The following MACROD2 variants were observed in gnomAD, a reference collection of about 807,000 sequenced individuals.
The protein encoded by MACROD2 is mono-ADP ribosylhydrolase 2, also known as ADP-ribose glycohydrolase MACROD2.
In MACROD2, 36 loss-of-function variants were observed where a neutral mutation model predicts 70.4. The observed-to-expected ratio is 0.51, with a 90% CI of 0.39 to 0.68. The LOEUF (loss-of-function observed/expected upper bound fraction) is 0.68, where lower values mean the gene tolerates loss of function less well. MACROD2 is among the 30% of genes least tolerant of loss of function. The probability of loss-of-function intolerance (pLI) is 0.00; values close to 1 mark genes in which losing one functional copy is unlikely to be tolerated. For missense variants in MACROD2, 496 were observed against 538.4 expected (o/e 0.92, Z 0.78); for synonymous variants, 172 against 178.8 (o/e 0.96, Z 0.30).
chr20:15,311,457 A>G (rs1568713059), intron 6 of MACROD2, among the ~76,000 whole-genome samples: 1 of 152,110 alleles, frequency 6.6e-6, no homozygotes, highest in African/African-American at 2.4e-5. Context: ...GAAAACAACT[A>G]GTTCTGCCAA....
At chr20:14,793,969 A>G (rs1345179347) in intron 5 of MACROD2, among the ~76,000 whole-genome samples, 1 of 152,090 alleles carries the variant, frequency 6.6e-6, no homozygotes, top group East Asian at 1.9e-4. Flanking sequence ...CCAGTGTCCT[A>G]TGGCAGAATC....
rs184560604 is a variant in MACROD2 at position 15,209,025 on chromosome 20, T to G, written c.419-20915T>G. On this transcript the variant is annotated intron_variant, in intron 5 of 17. Coordinates refer to ENST00000684519, the MANE Select transcript of MACROD2 (RefSeq NM_001351661.2). Reference sequence around the variant, plus strand: ...GAAGGGATGAAGCCTTGGCTTTGTCTGTGCTGTATGGTTGGAATAGGATAG... The same window carrying G: ...GAAGGGATGAAGCCTTGGCTTTGTCGGTGCTGTATGGTTGGAATAGGATAG... Among the ~76,000 whole-genome samples the G allele has an allele frequency of 1.9e-3, 294 of 152,256 alleles. 2 individuals are homozygous for G. The highest frequency in any genetic ancestry group is 6.9e-3 in the African/African-American group (287 of 41,566).
rs532414711 is a variant in MACROD2 at position 15,620,812 on chromosome 20, G to T, written c.645+120965G>T. ...TTGTTTGTTTGTTTACATCATTGCC[G>T]GTTAGATGGCATCTTTAATGTCAGG... is the stretch of plus-strand genomic sequence containing the variant. On this transcript the variant is annotated intron_variant, in intron 8 of 17. Coordinates refer to ENST00000684519, the MANE Select transcript of MACROD2 (RefSeq NM_001351661.2). Among the ~76,000 whole-genome samples the T allele has an allele frequency of 1.1e-3, 167 of 152,078 alleles. 5 individuals carry two copies. The South Asian group carries it at 0.033, about 30-fold the overall frequency.
intron 8 of MACROD2, among the ~76,000 whole-genome samples, chr20:15,695,403 T>C (rs551464943): frequency 1.4e-5 from 2 of 140,936 alleles, no homozygotes; most frequent in East Asian, 4.2e-4. Context: ...TCTTTTTTTC[T>C]TCTTCTTCTT....
intron 6 of MACROD2, among the ~76,000 whole-genome samples, chr20:15,412,855 C>G (rs1375057064): frequency 6.6e-6 from 1 of 152,140 alleles, no homozygotes. Context: ...ACAAATGACC[C>G]ATTTATGAAA....
At chr20:15,814,864 G>T (rs2063856916) in intron 8 of MACROD2, among the ~76,000 whole-genome samples, 1 of 152,220 alleles carries the variant, frequency 6.6e-6, no homozygotes, top group African/African-American at 2.4e-5. Context: ...CTGGCACACA[G>T]TCTGTGCTTA....
At chr20:14,184,881 C>G (rs908848004) in intron 3 of MACROD2, among the ~76,000 whole-genome samples, 2 of 151,986 alleles carry the variant, frequency 1.3e-5, no homozygotes, top group African/African-American at 2.4e-5. Context: ...GATTTTGTGT[C>G]CTGAGATTTG....
At chr20:15,152,330 G>A (rs1481200846) in intron 5 of MACROD2, among the ~76,000 whole-genome samples, 1 of 151,682 alleles carries the variant, frequency 6.6e-6, no homozygotes, top group African/African-American at 2.4e-5. Flanking sequence ...TAGTGAAGGA[G>A]GCAAGCCCAG....
chr20:14,931,970 C>T (rs1334587015), intron 5 of MACROD2, among the ~76,000 whole-genome samples: 1 of 148,706 alleles, frequency 6.7e-6, no homozygotes, highest in Non-Finnish European at 1.5e-5. Context: ...CCACTGCACT[C>T]TAGCCTGAGC....
intron 12 of MACROD2, among the ~76,000 whole-genome samples, chr20:15,943,024 G>T (rs980582297): frequency 2.0e-5 from 3 of 152,140 alleles, no homozygotes; most frequent in African/African-American, 7.2e-5. Context: ...TATGAAATGG[G>T]ATGTCACCTG....
chr20:14,674,104 G>T (rs547078665), intron 4 of MACROD2, among the ~76,000 whole-genome samples: 2 of 152,018 alleles, frequency 1.3e-5, no homozygotes, highest in African/African-American at 4.8e-5. Context: ...TAAGGTATTC[G>T]GTATATTGTA....
intron 3 of MACROD2, among the ~76,000 whole-genome samples, chr20:14,218,524 A>C (rs1269192485): frequency 6.6e-6 from 1 of 152,212 alleles, no homozygotes; most frequent in Non-Finnish European, 1.5e-5. Flanking sequence ...TAGTATTGAA[A>C]TGTGAGGTAC....
chr20:15,696,783 G>A (rs1484995168), intron 8 of MACROD2, among the ~76,000 whole-genome samples: 1 of 150,950 alleles, frequency 6.6e-6, no homozygotes, highest in Non-Finnish European at 1.5e-5. Context: ...AAGCTAGGAG[G>A]GTTGTATTTT....
At chr20:14,819,750 C>T (rs904120588) in intron 5 of MACROD2, among the ~76,000 whole-genome samples, 6 of 151,888 alleles carry the variant, frequency 4.0e-5, no homozygotes, top group East Asian at 1.9e-4. Flanking sequence ...GTCAGGGGAG[C>T]GGAAAGGAGA....
At chr20:15,841,290 T>C (rs1409128503) in intron 8 of MACROD2, among the ~76,000 whole-genome samples, 1 of 152,142 alleles carries the variant, frequency 6.6e-6, no homozygotes, top group Non-Finnish European at 1.5e-5. Context: ...CTAATCATGA[T>C]GTTGGGGTGG....
chr20:14,206,696 A>T (rs763128491), intron 3 of MACROD2, among the ~76,000 whole-genome samples: 4 of 149,554 alleles, frequency 2.7e-5, no homozygotes, highest in Non-Finnish European at 5.9e-5. Context: ...TTGAAGATGT[A>T]GTCGTCATGG....
chr20:15,955,413 C>T (rs2065962671), intron 12 of MACROD2, among the ~76,000 whole-genome samples: 1 of 152,138 alleles, frequency 6.6e-6, no homozygotes, highest in African/African-American at 2.4e-5. Context: ...ATGTACCATT[C>T]TCTTTCATCC....
chr20:15,337,789 C>T (rs1179232108), intron 6 of MACROD2, among the ~76,000 whole-genome samples: 1 of 151,612 alleles, frequency 6.6e-6, no homozygotes, highest in Non-Finnish European at 1.5e-5. Flanking sequence ...TACAGTACAG[C>T]TTGTAGAACA....
At chr20:14,708,399 A>C (rs1291837954) in intron 5 of MACROD2, among the ~76,000 whole-genome samples, 3 of 152,142 alleles carry the variant, frequency 2.0e-5, no homozygotes, top group African/African-American at 7.2e-5. Context: ...GTGTTCCAAT[A>C]AAACTTTGTT....
Sources: gnomAD v4.1 joint callset for allele counts (sites outside exome capture counted in the v4.1 genomes callset) on GRCh38, gnomAD v4.1.1 for gene constraint, MANE v1.5 for transcripts, NCBI Gene and HGNC (gene_info 2026-07-23, HGNC 2026-07-21) for gene names.